Variants in DLC1 observed in about 807,000 individuals in gnomAD.
The protein encoded by DLC1 is rho GTPase-activating protein 7.
DLC1 carries 54 observed loss-of-function variants against 140.3 expected under a neutral mutation model. The ratio of observed to expected loss-of-function variants is 0.38; its 90% CI spans 0.31 to 0.48. The LOEUF is 0.48. DLC1 is among the 20% of genes least tolerant of loss of function. The pLI is 0.96. For synonymous variants in DLC1, 986 were observed against 728.1 expected (o/e 1.35, Z -5.70); for missense variants, 2,536 against 1,907.0 (o/e 1.33, Z -6.14).
intron 4 of DLC1, among the ~76,000 whole-genome samples, chr8:13,350,808 G>A (rs1834622633): frequency 6.6e-6 from 1 of 152,184 alleles, no homozygotes; most frequent in Admixed American, 6.5e-5. Flanking sequence ...AGCTTGGAAG[G>A]TGGTAGCCTT....
chr8:13,163,191 T>C (rs983931753), intron 5 of DLC1, among the ~76,000 whole-genome samples: 2 of 152,176 alleles, frequency 1.3e-5, no homozygotes, highest in African/African-American at 4.8e-5. Context: ...TGTTATAATA[T>C]TACCACACTT....
At chr8:13,323,816 T>A (rs900500506) in intron 4 of DLC1, among the ~76,000 whole-genome samples, 1 of 152,240 alleles carries the variant, frequency 6.6e-6, no homozygotes, top group Non-Finnish European at 1.5e-5. Context: ...GGCATTTTGT[T>A]AACTGGTGGT....
chr8:13,361,453 G>C (rs191034252), intron 4 of DLC1, among the ~76,000 whole-genome samples: 1,778 of 151,754 alleles, frequency 0.012, 27 homozygotes, highest in South Asian at 0.053. Context: ...TATCTTTTGA[G>C]ACAAGTTCCT....
chr8:13,346,017 T>G (rs2117007544), intron 4 of DLC1, among the ~76,000 whole-genome samples: 1 of 152,344 alleles, frequency 6.6e-6, no homozygotes, highest in South Asian at 2.1e-4. Flanking sequence ...ACTTTGTGAT[T>G]TGTAAGTTTT....
intron 5 of DLC1, among the ~76,000 whole-genome samples, chr8:13,159,043 A>G (rs995298815): frequency 6.6e-6 from 1 of 152,170 alleles, no homozygotes; most frequent in Non-Finnish European, 1.5e-5. Flanking sequence ...TAATTAGTGA[A>G]GCAGGCAGAG....
intron 1 of DLC1, among the ~76,000 whole-genome samples, chr8:13,562,263 G>A (rs1029955996): frequency 1.3e-5 from 2 of 151,934 alleles, no homozygotes; most frequent in Non-Finnish European, 2.9e-5. Context: ...ACTTTTACAT[G>A]GCAAAACACA....
chr8:13,496,933 T>A (rs1455140460), intron 2 of DLC1, among the ~76,000 whole-genome samples: 1 of 151,640 alleles, frequency 6.6e-6, no homozygotes, highest in African/African-American at 2.4e-5. Context: ...CCCGAGTAGC[T>A]GGGACTATAG....
chr8:13,339,771 G>C (rs367726776), intron 4 of DLC1: 4 of 152,090 alleles, frequency 2.6e-5, no homozygotes, highest in Admixed American at 6.6e-5. Flanking sequence ...AAAATTACTT[G>C]TATAGAAAGC....
intron 1 of DLC1, among the ~76,000 whole-genome samples, chr8:13,583,661 C>A (rs1805198577): frequency 6.6e-6 from 1 of 152,122 alleles, no homozygotes; most frequent in South Asian, 2.1e-4. Flanking sequence ...AGAGGATTGA[C>A]AACAAAGACA....
chr8:13,408,740 T>G (rs1453742744), intron 2 of DLC1, among the ~76,000 whole-genome samples: 1 of 152,208 alleles, frequency 6.6e-6, no homozygotes, highest in East Asian at 1.9e-4. Flanking sequence ...TGAGCTGATA[T>G]GTATTCCATA....
At chr8:13,364,455 C>A (rs953441544) in intron 4 of DLC1, among the ~76,000 whole-genome samples, 1 of 152,146 alleles carries the variant, frequency 6.6e-6, no homozygotes, top group East Asian at 1.9e-4. Context: ...TGTGCCACCA[C>A]GCCAGGCTAA....
At chr8:13,552,111 G>GTGTATATATATATATATA (rs1279225632) in intron 1 of DLC1, among the ~76,000 whole-genome samples, 16 of 54,520 alleles carry the variant, frequency 2.9e-4, no homozygotes, top group Non-Finnish European at 4.0e-4. Context: ...GTCTAGAGGT[G>GTGTATATATATATATATA]TATATATATA....
intron 5 of DLC1, among the ~76,000 whole-genome samples, chr8:13,144,858 C>T (rs761986063): frequency 3.3e-5 from 5 of 152,190 alleles, no homozygotes; most frequent in Non-Finnish European, 5.9e-5. Flanking sequence ...TTGACTAATA[C>T]AGACCCCTAA....
intron 1 of DLC1, among the ~76,000 whole-genome samples, chr8:13,546,501 T>C (rs12549031): frequency 0.069 from 10,495 of 152,238 alleles, 577 homozygotes; most frequent in Admixed American, 0.17. Flanking sequence ...TACAAGATCA[T>C]ATTTTAGGTG....
intron 4 of DLC1, among the ~76,000 whole-genome samples, chr8:13,319,971 C>T (rs1051571987): frequency 3.3e-5 from 5 of 151,802 alleles, no homozygotes; most frequent in East Asian, 1.9e-4. Flanking sequence ...TACAGGTGCA[C>T]GCCACCACGC....
chr8:13,518,512 G>T (rs1002583753), upstream of DLC1, among the ~76,000 whole-genome samples: 1 of 152,146 alleles, frequency 6.6e-6, no homozygotes, highest in African/African-American at 2.4e-5. Flanking sequence ...GTTGAATCTG[G>T]ACTTCTGTAC....
chr8:13,262,071 T>C (rs1387595210), intron 5 of DLC1, among the ~76,000 whole-genome samples: 1 of 152,150 alleles, frequency 6.6e-6, no homozygotes, highest in Non-Finnish European at 1.5e-5. Context: ...CTTTGACCCC[T>C]CTCTTGGGGT....
chr8:13,255,951 G>C (rs886152520), intron 5 of DLC1, among the ~76,000 whole-genome samples: 1 of 152,108 alleles, frequency 6.6e-6, no homozygotes, highest in Non-Finnish European at 1.5e-5. Context: ...CTACAACACA[G>C]TATAGTAATG....
chr8:13,147,942 G>A lies in DLC1; in HGVS notation c.1349-32285C>T, dbSNP rs528761374. 9.9e-5 allele frequency among the ~76,000 whole-genome samples: 15 copies of A among 152,134 alleles called. No homozygotes were observed. The East Asian group carries it at 2.3e-3, about 24-fold the overall frequency. ...GGCGGAGGTTGCAGTGGCAGAGATC[G>A]CACTACTGCACTCCAGCCTGGGCAA... On this transcript the variant is annotated intron_variant, in intron 5 of 17. Transcript: ENST00000276297.
Sources: gnomAD v4.1 joint callset for allele counts (sites outside exome capture counted in the v4.1 genomes callset) on GRCh38, gnomAD v4.1.1 for gene constraint, MANE v1.5 for transcripts, NCBI Gene and HGNC (gene_info 2026-07-23, HGNC 2026-07-21) for gene names.